NCOR1: variants seen among roughly 807,000 people sequenced by gnomAD.
The protein encoded by NCOR1 is protein phosphatase 1, regulatory subunit 109.
NCOR1 carries 63 observed loss-of-function variants against 288.1 expected under a neutral mutation model. The ratio of observed to expected loss-of-function variants is 0.22; its 90% CI spans 0.18 to 0.27. The LOEUF is 0.27. Ranked by LOEUF, NCOR1 falls within the 10% of genes least tolerant of loss-of-function variation. The pLI is 1.00. For synonymous variants in NCOR1, 1,007 were observed against 1,065.9 expected, an observed-to-expected ratio of 0.94 and a Z score of 1.08; for missense variants, 2,397 against 3,019.2, an observed-to-expected ratio of 0.79 and a Z score of 4.83.
At chr17:16,207,847 G>A (rs1427476835) in intron 1 of NCOR1, among the ~76,000 whole-genome samples, 1 of 151,492 alleles carries the variant, frequency 6.6e-6, no homozygotes, top group African/African-American at 2.4e-5. Flanking sequence ...CAGCCAAACA[G>A]CCCAAATTTT....
chr17:16,151,634 C>G (rs1168035568), intron 8 of NCOR1: 1 of 1,372,216 alleles, frequency 7.3e-7, no homozygotes, highest in Non-Finnish European at 9.7e-7. Context: ...AAAGACAAAA[C>G]AGGAGGCAAA....
intron 21 of NCOR1, among the ~76,000 whole-genome samples, chr17:16,095,094 G>A (rs1333661538): frequency 1.3e-5 from 2 of 151,220 alleles, no homozygotes; most frequent in Non-Finnish European, 2.9e-5. Context: ...GTCTCTGCCC[G>A]GCCGCCATCC....
intron 18 of NCOR1, among the ~76,000 whole-genome samples, chr17:16,112,810 G>T (rs2153084724): frequency 6.6e-6 from 1 of 151,594 alleles, no homozygotes; most frequent in East Asian, 1.9e-4. Context: ...CTTTATGGGA[G>T]AAATATAGAC....
chr17:16,143,655 C>T lies in NCOR1; in HGVS notation c.1124G>A (p.Arg375Lys). ...RGAGLSATIA[R>K]SEHEISEIID... ...AATTTCAGAAATCTCATGCTCACTC[C>T]TAGCAATGGTGGCTGAAAGACCAGC... Residue 375 changes from arginine (R) to lysine (K), a missense_variant, in exon 11 of 46, where the codon AGG becomes AAG. By Grantham distance (26) the Arg-to-Lys change is conservative. This residue lies in a region of NCOR1 where 51 missense variants were observed against 127.6 expected (regional missense o/e 0.40). Transcript: ENST00000268712. 6.2e-7 allele frequency: 1 copy of T among 1,613,958 alleles called. No homozygotes were observed. The highest frequency in any genetic ancestry group is 1.1e-5 in the South Asian group (1 of 91,062).
At position 16,215,441 on chromosome 17, in the gene NCOR1, C is replaced by T. The variant is rs1030361261; in HGVS notation, c.-150G>A. ...GCGGCCACGGCGCGCGGCCCTACAC[C>T]GGGACCTCGTTCGGCGCGGCGAGTC... On this transcript the variant is annotated 5_prime_UTR_variant, in exon 1 of 46. Coordinates refer to ENST00000268712, the MANE Select transcript of NCOR1 (RefSeq NM_006311.4). 1.1e-4 allele frequency: 44 copies of T among 397,280 alleles called. No homozygotes were observed. The highest frequency in any genetic ancestry group is 2.6e-4 in the Admixed American group (6 of 22,678). 24.6% of individuals were successfully genotyped at this position (397,280 alleles called of 1,614,324 possible).
intron 4 of NCOR1, 53 bp from the exon 5 acceptor site, chr17:16,165,214 G>C: frequency 1.4e-6 from 2 of 1,465,098 alleles, no homozygotes; most frequent in Non-Finnish European, 9.2e-7. Flanking sequence ...ATAGAGTCCA[G>C]ATTGCCTTAA....
At chr17:16,199,210 A>ACACACACAC (rs1555813660) in intron 1 of NCOR1, among the ~76,000 whole-genome samples, 39 of 109,214 alleles carry the variant, frequency 3.6e-4, no homozygotes, top group Admixed American at 4.0e-4. Flanking sequence ...GAAGGAAAAA[A>ACACACACAC]AAAAAAACAC....
At position 16,138,884 on chromosome 17, in the gene NCOR1, T is replaced by C. The variant is rs575145631; in HGVS notation, c.1352+124A>G. 211 of 658,318 alleles carry C rather than the reference T, an allele frequency of 3.2e-4. 1 individual carries two copies. The South Asian group carries it at 3.7e-3, about 12-fold the overall frequency. The allele number at this position is 658,318 out of a possible 1,614,324, so 40.8% of individuals were successfully genotyped here. On this transcript the variant is annotated intron_variant, in intron 12 of 45. Coordinates refer to ENST00000268712, the MANE Select transcript of NCOR1 (RefSeq NM_006311.4). ...TCAATATTCTCTACTTTTCACAGTA[T>C]TGATTCAAACACCAAAATGGGACCA... is the stretch of plus-strand genomic sequence containing the variant.
At chr17:16,159,791 C>T (rs1171110307) in intron 5 of NCOR1, among the ~76,000 whole-genome samples, 1 of 151,358 alleles carries the variant, frequency 6.6e-6, no homozygotes, top group Non-Finnish European at 1.5e-5. Context: ...TCAGGGTCAC[C>T]CTTTACAGGT....
At chr17:16,095,664 TGG>T (rs1187981553) in intron 21 of NCOR1, among the ~76,000 whole-genome samples, 2 of 7,916 alleles carry the variant, frequency 2.5e-4, no homozygotes, top group South Asian at 3.0e-3. Flanking sequence ...GGGAGGGAGG[TGG>T]GGGGGGGGGT....
At chr17:16,192,227 G>C (rs933893664) in intron 2 of NCOR1, 1 of 150,728 alleles carries the variant, frequency 6.6e-6, no homozygotes, top group Non-Finnish European at 1.5e-5. Flanking sequence ...AAAGTAACCA[G>C]AGGAGACCAG....
chr17:16,105,061 T>G (rs2068342919), intron 19 of NCOR1, among the ~76,000 whole-genome samples: 1 of 152,142 alleles, frequency 6.6e-6, no homozygotes, highest in Non-Finnish European at 1.5e-5. Flanking sequence ...TGGCAGAAAG[T>G]TCACAGAGGT....
rs970534648 is a variant in NCOR1 at position 16,155,276 on chromosome 17, G to A, written c.733-1881C>T. Among the ~76,000 whole-genome samples, 3 of 151,292 alleles carry A rather than the reference G, an allele frequency of 2.0e-5. 1 individual carries two copies. Among genetic ancestry groups the A allele is most frequent in the Admixed American group, 1.3e-4 (2 of 15,200 alleles). On this transcript the variant is annotated intron_variant, in intron 6 of 45. Transcript: ENST00000268712. ...TGAGGCGGGAGAATCACTTGAACCC[G>A]GGAGGTGGAGGTTGCAGTGAGCCAA...
chr17:16,146,736 CAT>C (rs1315645815), intron 9 of NCOR1, among the ~76,000 whole-genome samples, 188 bp from the exon 10 acceptor site: 1 of 152,166 alleles, frequency 6.6e-6, no homozygotes, highest in Non-Finnish European at 1.5e-5. Context: ...AAGATCAACA[CAT>C]AGAGCACAGG....
At chr17:16,215,062 G>A (rs2092436916) in intron 1 of NCOR1, among the ~76,000 whole-genome samples, 1 of 152,162 alleles carries the variant, frequency 6.6e-6, no homozygotes, top group South Asian at 2.1e-4. Flanking sequence ...TGTAGGCTCC[G>A]CACGCCCCTC....
chr17:16,029,259 C>G lies in NCOR1; in HGVS notation c.*3037G>C, dbSNP rs111771699. 4.0e-5 allele frequency: 18 copies of G among 453,636 alleles called. No homozygotes were observed. The highest frequency in any genetic ancestry group is 6.6e-5 in the Non-Finnish European group (15 of 226,696). 28.1% of individuals were successfully genotyped at this position (453,636 alleles called of 1,614,324 possible). ...ACACTAGGAGTTTTCAGGACAGTCT[C>G]TTCATGTGGGTGTTTTCATTACAGT... On this transcript the variant is annotated 3_prime_UTR_variant, in exon 46 of 46. Coordinates refer to ENST00000268712, the MANE Select transcript of NCOR1 (RefSeq NM_006311.4).
In NCOR1 at chr17:16,146,561, C is replaced by T. The variant is rs748489091; in HGVS notation, c.910-13G>A. On this transcript the variant is annotated splice_polypyrimidine_tract_variant and intron_variant, in intron 9 of 45. Coordinates refer to ENST00000268712, the MANE Select transcript of NCOR1 (RefSeq NM_006311.4). ...AGATTTTTTGTTCCTATTAAATATC[C>T]GTAGCAAATTAATAATAATTAAACT... The T allele has an allele frequency of 6.4e-7, 1 of 1,562,426 alleles. No homozygotes were observed.
At chr17:16,047,881 C>T (rs956153099) in intron 41 of NCOR1, among the ~76,000 whole-genome samples, 3 of 152,156 alleles carry the variant, frequency 2.0e-5, no homozygotes, top group African/African-American at 7.2e-5. Context: ...AGGAATAAGA[C>T]ATGGTCCCTG....
rs147408135 is a variant in NCOR1 at position 16,050,502 on chromosome 17, C to T, written c.6393-1514G>A. 4.3e-3 allele frequency among the ~76,000 whole-genome samples: 661 copies of T among 152,252 alleles called. 8 individuals carry two copies. The highest frequency in any genetic ancestry group is 0.015 in the African/African-American group (612 of 41,532). On this transcript the variant is annotated intron_variant, in intron 40 of 45. Coordinates refer to ENST00000268712, the MANE Select transcript of NCOR1 (RefSeq NM_006311.4). ...CCTCCTGAAGTGCTGGGATTACAGG[C>T]GTGAGCCACCACACCCGGCCCTGCT...
Sources: allele counts gnomAD v4.1 joint callset (sites outside exome capture counted in the v4.1 genomes callset), GRCh38; gene constraint gnomAD v4.1.1; regional missense constraint gnomAD v4.1.1; transcripts MANE v1.5; gene names NCBI Gene and HGNC (gene_info 2026-07-23, HGNC 2026-07-21).